GET1: variants seen among roughly 807,000 people sequenced by gnomAD.
The protein encoded by GET1 is guided entry of tail-anchored proteins factor 1, also known as congenital heart disease 5 protein.
In GET1, 20 loss-of-function variants were observed where a neutral mutation model predicts 22.6. That is an observed-to-expected ratio of 0.89 (90% CI 0.62 to 1.29). GET1 has a LOEUF of 1.29. Ranked by LOEUF, GET1 falls within the 50% of genes most tolerant of loss-of-function variation. GET1 has a pLI of 0.00. For missense variants in GET1, 209 were observed against 219.9 expected (o/e 0.95, Z 0.31); for synonymous variants, 92 against 83.8 (o/e 1.10, Z -0.53).
intron 1 of GET1, 103 bp from the exon 2 acceptor site, chr21:39,390,595 G>C (rs2038234253): frequency 1.4e-6 from 2 of 1,462,274 alleles, no homozygotes; most frequent in Non-Finnish European, 1.8e-6. Context: ...CAACTGGCTG[G>C]GTCACAGAGT....
chr21:39,413,348 C>T (rs1478821639), intron 1 of GET1, among the ~76,000 whole-genome samples: 1 of 152,170 alleles, frequency 6.6e-6, no homozygotes, highest in Non-Finnish European at 1.5e-5. Flanking sequence ...TAGCATAAGA[C>T]TGTTTTGAGT....
At chr21:39,410,387 T>C (rs748619691), downstream of GET1, 3 of 1,284,262 alleles carry the variant, frequency 2.3e-6, no homozygotes, top group Non-Finnish European at 3.3e-6. Context: ...AGGTAGATTA[T>C]ATGTAAGAAA....
intron 4 of GET1, chr21:39,405,800 C>T: frequency 1.8e-6 from 2 of 1,088,140 alleles, no homozygotes; most frequent in Middle Eastern, 3.1e-4. Flanking sequence ...TACACTCCCT[C>T]TCTCACACAT....
chr21:39,404,174 C>T (rs1003175820), intron 4 of GET1, among the ~76,000 whole-genome samples: 2 of 152,200 alleles, frequency 1.3e-5, no homozygotes, highest in African/African-American at 4.8e-5. Flanking sequence ...TAAAGTGAGG[C>T]TGGGAGTATA....
chr21:39,393,367 C>G, intron 4 of GET1, 87 bp downstream of exon 4: 1 of 1,048,888 alleles, frequency 9.5e-7, no homozygotes, highest in East Asian at 2.5e-5. Context: ...GCCTGACATC[C>G]TCCTCACCGT....
rs1324366008 is a variant in GET1 at position 39,390,959 on chromosome 21, A to T, written c.268+96A>T. 5.1e-6 allele frequency: 7 copies of T among 1,371,912 alleles called. No individual in the cohort carries two copies. The East Asian group carries it at 1.2e-4, about 24-fold the overall frequency. 85.0% of individuals were successfully genotyped at this position (1,371,912 alleles called of 1,614,324 possible). Reference sequence around the variant, plus strand: ...GTAGAATACATACTTTGCTTCTTGGATGTTCTGAATATTGATGGAAACTTA... The same window carrying T: ...GTAGAATACATACTTTGCTTCTTGGTTGTTCTGAATATTGATGGAAACTTA... On this transcript the variant is annotated intron_variant, in intron 2 of 4. Transcript: ENST00000649170.
chr21:39,424,265 T>G (rs2074262832), intron 1 of GET1, among the ~76,000 whole-genome samples: 1 of 152,272 alleles, frequency 6.6e-6, no homozygotes, highest in African/African-American at 2.4e-5. Context: ...CCACCCTCCT[T>G]GGCCTCCCAA....
chr21:39,421,101 G>GT (rs200770360), intron 1 of GET1, among the ~76,000 whole-genome samples: 2,227 of 125,348 alleles, frequency 0.018, 25 homozygotes, highest in African/African-American at 0.025. Context: ...TTAACAATTC[G>GT]TTTTTTTTTT....
At chr21:39,419,690 C>G (rs539754591) in intron 1 of GET1, among the ~76,000 whole-genome samples, 9 of 151,912 alleles carry the variant, frequency 5.9e-5, no homozygotes, top group Non-Finnish European at 8.8e-5. Flanking sequence ...GATTAGTGCC[C>G]TTGTAAAAGA....
chr21:39,380,561 A>G (rs2037490566), intron 1 of GET1, 75 bp downstream of exon 1: 2 of 1,553,734 alleles, frequency 1.3e-6, no homozygotes, highest in Non-Finnish European at 1.7e-6. Context: ...GCGTAGGTAC[A>G]GGGGTCTCAA....
Position 39,425,004 on chromosome 21 carries a change from T to C in GET1, c.*24-3228T>C, listed in dbSNP as rs115807486. On this transcript the variant is annotated intron_variant, in intron 1 of 1. Transcript: ENST00000478273. The stretch of plus-strand genomic sequence containing the variant: ...ACAGAGCCCATTGTCTATGTGCCTA[T>C]GCTAGTGCCCCACAGGTGTGTGCAT... 3.6e-3 allele frequency among the ~76,000 whole-genome samples: 551 copies of C among 152,354 alleles called. 5 individuals carry two copies. The highest frequency in any genetic ancestry group is 0.013 in the African/African-American group (538 of 41,580).
intron 1 of GET1, chr21:39,428,151 T>C: frequency 6.9e-7 from 1 of 1,455,840 alleles, no homozygotes; most frequent in South Asian, 1.3e-5. Flanking sequence ...TTGGTCTTGC[T>C]TGGGAAATTT....
chr21:39,396,356 A>G (rs142460735), intron 4 of GET1, among the ~76,000 whole-genome samples: 1,759 of 152,214 alleles, frequency 0.012, 30 homozygotes, highest in African/African-American at 0.041. Flanking sequence ...GTGAAACCCC[A>G]TCTCTACTAA....
At chr21:39,403,546 CG>C (rs1414681030) in intron 4 of GET1, among the ~76,000 whole-genome samples, 1 of 120,786 alleles carries the variant, frequency 8.3e-6, no homozygotes, top group Non-Finnish European at 1.7e-5. Context: ...AGGATGGTCT[CG>C]ATCTGACTTC....
chr21:39,398,933 T>G (rs966090488), downstream of GET1, among the ~76,000 whole-genome samples: 16 of 143,778 alleles, frequency 1.1e-4, no homozygotes, highest in African/African-American at 4.2e-4. Flanking sequence ...AGAGACAGGA[T>G]TTCACCATGT....
At chr21:39,422,646 A>G (rs1244309177) in intron 1 of GET1, 1 of 409,316 alleles carries the variant, frequency 2.4e-6, no homozygotes, top group Non-Finnish European at 4.3e-6. Flanking sequence ...ACGTAACACA[A>G]TGCAATCTTT....
At chr21:39,413,880 A>G (rs2040540143) in intron 1 of GET1, 1 of 152,420 alleles carries the variant, frequency 6.6e-6, no homozygotes, top group Admixed American at 6.5e-5. Context: ...GAGGTCAGCA[A>G]CCGAGAGCAG....
At chr21:39,408,637 C>G (rs1161079945), downstream of GET1, 1 of 152,410 alleles carries the variant, frequency 6.6e-6, no homozygotes, top group Non-Finnish European at 1.5e-5. Flanking sequence ...CCTTGGAACC[C>G]AAAGAAGCAG....
At chr21:39,387,708 G>A (rs1034010014) in intron 1 of GET1, 13 of 390,666 alleles carry the variant, frequency 3.3e-5, no homozygotes, top group Non-Finnish European at 4.3e-5. Context: ...CCCCACTTTT[G>A]CCTCATCACG....
Sources: allele counts gnomAD v4.1 joint callset (sites outside exome capture counted in the v4.1 genomes callset), GRCh38; gene constraint gnomAD v4.1.1; transcripts MANE v1.5; gene names NCBI Gene and HGNC (gene_info 2026-07-23, HGNC 2026-07-21).